Variants in CNTN4 observed in about 807,000 individuals in gnomAD.
CNTN4 encodes the protein contactin 4.
In CNTN4, 77 loss-of-function variants were observed where a neutral mutation model predicts 122.5. The observed-to-expected ratio is 0.63, with a 90% CI of 0.52 to 0.76. The LOEUF (loss-of-function observed/expected upper bound fraction) is 0.76, where lower values mean the gene tolerates loss of function less well. CNTN4 is among the 30% of genes least tolerant of loss of function. The probability of loss-of-function intolerance (pLI) is 0.00; values close to 1 mark genes in which losing one functional copy is unlikely to be tolerated. For missense variants in CNTN4, 1,256 were observed against 1,259.1 expected (o/e 1.00, Z 0.04); for synonymous variants, 512 against 447.0 (o/e 1.15, Z -1.83).
chr3:2,227,470 G>A (rs1467319672), intron 2 of CNTN4, among the ~76,000 whole-genome samples: 2 of 152,130 alleles, frequency 1.3e-5, no homozygotes, highest in East Asian at 1.9e-4. Context: ...AGCATTAAAA[G>A]CATAAGGTAT....
At chr3:2,780,088 G>A (rs2091508695) in intron 6 of CNTN4, among the ~76,000 whole-genome samples, 1 of 152,216 alleles carries the variant, frequency 6.6e-6, no homozygotes, top group Non-Finnish European at 1.5e-5. Flanking sequence ...AAGAGAAAAA[G>A]TTAGTGTGTA....
At chr3:2,883,105 A>T in intron 8 of CNTN4, 40 bp from the exon 9 acceptor site, 1 of 1,414,158 alleles carries the variant, frequency 7.1e-7, no homozygotes, top group Non-Finnish European at 1.0e-6. Context: ...TATACATTTT[A>T]AAAGAATCTC....
intron 6 of CNTN4, among the ~76,000 whole-genome samples, chr3:2,781,870 G>GC (rs1553638226): frequency 8.1e-5 from 7 of 86,344 alleles, no homozygotes; most frequent in South Asian, 3.1e-4. Flanking sequence ...GACTGCAGGC[G>GC]CCCGCACCAC....
intron 13 of CNTN4, among the ~76,000 whole-genome samples, chr3:2,951,450 C>T (rs574715169): frequency 6.6e-6 from 1 of 152,336 alleles, no homozygotes; most frequent in East Asian, 1.9e-4. Context: ...TGCTTGCTCA[C>T]AGGCTCTCAC....
chr3:2,444,757 G>T (rs1368791188), intron 3 of CNTN4, among the ~76,000 whole-genome samples: 1 of 151,430 alleles, frequency 6.6e-6, no homozygotes, highest in Non-Finnish European at 1.5e-5. Flanking sequence ...CTGGCTGGCT[G>T]GCTGGTCAGA....
Position 2,545,124 on chromosome 3 carries a change from AT to A in CNTN4, c.-88-26291del, listed in dbSNP as rs751074835. On this transcript the variant is annotated intron_variant, in intron 3 of 24. Coordinates refer to ENST00000418658, the MANE Select transcript of CNTN4 (RefSeq NM_175607.3). Reference sequence around the variant, plus strand: ...TCTTGATTTCTGCCTTAATTTCATTATCTACCCAAAAGTCTTTTAAGAGCAT... The same window carrying A: ...TCTTGATTTCTGCCTTAATTTCATTACTACCCAAAAGTCTTTTAAGAGCAT... Among the ~76,000 whole-genome samples, 49 of 152,212 alleles carry A rather than the reference AT, an allele frequency of 3.2e-4. 2 individuals are homozygous for A. In the Middle Eastern group the frequency reaches 0.01, roughly 32 times the overall value.
intron 2 of CNTN4, among the ~76,000 whole-genome samples, chr3:2,335,288 A>G (rs1231508773): frequency 6.9e-6 from 1 of 144,514 alleles, no homozygotes; most frequent in Non-Finnish European, 1.5e-5. Flanking sequence ...AAGTTTAGTG[A>G]ATTTTTCATG....
chr3:2,295,946 A>G (rs1394136279), intron 2 of CNTN4, among the ~76,000 whole-genome samples: 1 of 152,078 alleles, frequency 6.6e-6, no homozygotes, highest in Non-Finnish European at 1.5e-5. Context: ...TCCTTTCCGC[A>G]TTTCTTGTTT....
chr3:2,718,037 A>G (rs899784759), intron 4 of CNTN4, among the ~76,000 whole-genome samples: 1 of 152,088 alleles, frequency 6.6e-6, no homozygotes, highest in Non-Finnish European at 1.5e-5. Flanking sequence ...GAGTTGTAAG[A>G]TTCTTTTCAT....
chr3:2,347,165 T>G (rs1465331324), intron 3 of CNTN4, among the ~76,000 whole-genome samples: 2 of 152,158 alleles, frequency 1.3e-5, no homozygotes, highest in African/African-American at 2.4e-5. Flanking sequence ...CAGCCCCAAG[T>G]GTCATGGATT....
chr3:3,036,209 G>C (rs1699589748), intron 17 of CNTN4, among the ~76,000 whole-genome samples: 1 of 152,182 alleles, frequency 6.6e-6, no homozygotes, highest in Non-Finnish European at 1.5e-5. Context: ...TTTTGAAGGA[G>C]AATATGCCCA....
At chr3:2,934,433 CA>C (rs10707211) in intron 13 of CNTN4, among the ~76,000 whole-genome samples, 14,412 of 152,278 alleles carry the variant, frequency 0.095, 714 homozygotes, top group Middle Eastern at 0.21. Context: ...TCATGTAAGA[CA>C]TGGAAGGAAA....
chr3:2,266,245 C>G (rs116803387), intron 2 of CNTN4, among the ~76,000 whole-genome samples: 1,668 of 152,048 alleles, frequency 0.011, 18 homozygotes, highest in Non-Finnish European at 0.016. Context: ...TCCTTCTATA[C>G]CCATTTTGTT....
At chr3:2,965,460 A>G (rs910157809) in intron 13 of CNTN4, among the ~76,000 whole-genome samples, 2 of 152,190 alleles carry the variant, frequency 1.3e-5, no homozygotes, top group Non-Finnish European at 2.9e-5. Flanking sequence ...AAGGTGACCA[A>G]CGCAACTGAG....
intron 14 of CNTN4, among the ~76,000 whole-genome samples, chr3:3,024,609 T>A (rs902469742): frequency 4.6e-5 from 7 of 152,176 alleles, no homozygotes; most frequent in Non-Finnish European, 5.9e-5. Flanking sequence ...CTACTTATCA[T>A]GATCTTTTCC....
In CNTN4 at chr3:2,340,190, C is replaced by G. The variant is rs181436490; in HGVS notation, c.-89+957C>G. ...ATTTCAACAGATCTTTTAGGGACAT[C>G]TAATTCACTCATAACAGTATGCCTA... On this transcript the variant is annotated intron_variant, in intron 3 of 24. Coordinates refer to ENST00000418658, the MANE Select transcript of CNTN4 (RefSeq NM_175607.3). 1.6e-3 allele frequency among the ~76,000 whole-genome samples: 237 copies of G among 152,198 alleles called. 1 individual carries two copies. The highest frequency in any genetic ancestry group is 2.8e-3 in the Non-Finnish European group (189 of 68,018).
At chr3:2,433,333 G>GATATC (rs1223642847) in intron 3 of CNTN4, among the ~76,000 whole-genome samples, 7 of 152,138 alleles carry the variant, frequency 4.6e-5, no homozygotes, top group African/African-American at 1.7e-4. Context: ...TGTTCTAACA[G>GATATC]ATATCAGGTG....
intron 6 of CNTN4, among the ~76,000 whole-genome samples, chr3:2,789,073 T>C (rs1174814149): frequency 1.3e-5 from 2 of 152,198 alleles, no homozygotes; most frequent in African/African-American, 4.8e-5. Flanking sequence ...GGTGGATCTT[T>C]ACCATGTAGA....
chr3:2,102,098 G>A (rs1246600351), intron 2 of CNTN4, among the ~76,000 whole-genome samples: 1 of 152,224 alleles, frequency 6.6e-6, no homozygotes, highest in Non-Finnish European at 1.5e-5. Flanking sequence ...ATCTCCCAAA[G>A]TAGACATACA....
Sources: allele counts gnomAD v4.1 joint callset (sites outside exome capture counted in the v4.1 genomes callset), GRCh38; gene constraint gnomAD v4.1.1; transcripts MANE v1.5; gene names NCBI Gene and HGNC (gene_info 2026-07-23, HGNC 2026-07-21).